The following LAMA2 variants were observed in gnomAD, a reference collection of about 807,000 sequenced individuals.
LAMA2 encodes laminin subunit alpha 2, also known as laminin subunit alpha-2.
Under a neutral mutation model 364.8 loss-of-function variants are expected in LAMA2, and 269 were observed. That is an observed-to-expected ratio of 0.74 (90% CI 0.67 to 0.82). The LOEUF is 0.82. Among genes scored for constraint, LAMA2 ranks in the 40% least tolerant of loss-of-function variants. The pLI, the probability that LAMA2 is intolerant of heterozygous loss-of-function variation, is 0.00. For missense variants in LAMA2, 3,807 were observed against 3,873.2 expected, an observed-to-expected ratio of 0.98 and a Z score of 0.45; for synonymous variants, 1,379 against 1,370.6, an observed-to-expected ratio of 1.01 and a Z score of -0.14.
intron 1 of LAMA2, among the ~76,000 whole-genome samples, chr6:129,035,597 C>T (rs1329222458): frequency 3.5e-5 from 5 of 143,184 alleles, no homozygotes; most frequent in African/African-American, 1.0e-4. Context: ...AGGCCAATGT[C>T]GAGAATAATT....
At chr6:129,052,565 T>C (rs186716059) in intron 2 of LAMA2, among the ~76,000 whole-genome samples, 18 of 152,188 alleles carry the variant, frequency 1.2e-4, no homozygotes, top group African/African-American at 4.3e-4. Flanking sequence ...TGCGTGGACT[T>C]CTCCATTACC....
intron 12 of LAMA2, among the ~76,000 whole-genome samples, chr6:129,227,507 G>A (rs1373775755): frequency 2.0e-5 from 3 of 152,096 alleles, no homozygotes; most frequent in African/African-American, 7.2e-5. Flanking sequence ...TGGGGTTTTG[G>A]TGTGGGTGTC....
intron 12 of LAMA2, among the ~76,000 whole-genome samples, chr6:129,240,888 A>C (rs1355870026): frequency 6.6e-6 from 1 of 152,200 alleles, no homozygotes; most frequent in Admixed American, 6.5e-5. Context: ...AGTGACTTAA[A>C]TATTGATTTT....
intron 19 of LAMA2, among the ~76,000 whole-genome samples, chr6:129,289,674 A>G (rs1486039411): frequency 4.6e-5 from 7 of 151,958 alleles, no homozygotes; most frequent in African/African-American, 7.2e-5. Context: ...TATTATGGTA[A>G]TTAATTATTG....
At chr6:129,322,882 T>A (rs1775053728) in intron 28 of LAMA2, among the ~76,000 whole-genome samples, 1 of 152,220 alleles carries the variant, frequency 6.6e-6, no homozygotes. Context: ...TGAGTCATTT[T>A]CCATCATTAT....
chr6:128,899,457 A>G (rs1304339777), intron 1 of LAMA2, among the ~76,000 whole-genome samples: 3 of 152,218 alleles, frequency 2.0e-5, no homozygotes, highest in Non-Finnish European at 4.4e-5. Context: ...ATGTTATATA[A>G]TGCTAGGACT....
intron 37 of LAMA2, among the ~76,000 whole-genome samples, chr6:129,395,131 G>A (rs1779532420): frequency 6.6e-6 from 1 of 151,790 alleles, no homozygotes; most frequent in African/African-American, 2.4e-5. Context: ...GGCTGCTCTG[G>A]GGTTTGGCCC....
At chr6:128,927,709 T>A (rs1283477143) in intron 1 of LAMA2, among the ~76,000 whole-genome samples, 4 of 152,186 alleles carry the variant, frequency 2.6e-5, no homozygotes, top group Non-Finnish European at 4.4e-5. Context: ...TCCCTATCTT[T>A]CTTCCCGTTA....
chr6:129,047,572 G>A (rs1325848019), intron 1 of LAMA2, among the ~76,000 whole-genome samples: 2 of 152,132 alleles, frequency 1.3e-5, no homozygotes, highest in African/African-American at 4.8e-5. Context: ...TATGTATAAG[G>A]AGGGAGAAAA....
chr6:129,515,401 A>AC (rs1786971009), intron 64 of LAMA2, among the ~76,000 whole-genome samples: 1 of 152,218 alleles, frequency 6.6e-6, no homozygotes, highest in East Asian at 1.9e-4. Flanking sequence ...GTGTTTTAAA[A>AC]AGATCTTTTG....
chr6:129,354,475 C>T (rs928480405), intron 32 of LAMA2, among the ~76,000 whole-genome samples: 5 of 151,844 alleles, frequency 3.3e-5, no homozygotes, highest in Non-Finnish European at 5.9e-5. Flanking sequence ...ACTAATTCTT[C>T]CCAAGTATAA....
At chr6:129,158,487 T>G in intron 8 of LAMA2, 1 of 1,614,036 alleles carries the variant, frequency 6.2e-7, no homozygotes, top group Non-Finnish European at 8.5e-7. Context: ...ACTTTGTGAC[T>G]GGTCAATAAG....
Position 129,401,277 on chromosome 6 carries a change from A to C in LAMA2, c.5499A>C (p.Lys1833Asn), listed in dbSNP as rs1387338831. 1 of 1,613,252 alleles carries C rather than the reference A, an allele frequency of 6.2e-7. No homozygotes were observed. Among genetic ancestry groups the C allele is most frequent in the Admixed American group, 1.7e-5 (1 of 60,026 alleles). Residue 1833 changes from lysine to asparagine, a missense_variant, in exon 38 of 65, where the codon AAA (lysine) becomes AAC (asparagine). Lys to Asn is a moderately conservative substitution (Grantham distance 94). Around this residue, in one of 3 missense-constraint regions of LAMA2, gnomAD observed 3,333 missense variants for 3,345.7 expected, o/e 1.00. Coordinates refer to ENST00000421865, the MANE Select transcript of LAMA2 (RefSeq NM_000426.4). ...AACGACAAATTGAGAACACTTTAAA[A>C]GAGGGCAATGACATACTCGATGAAG... ...SGKRQIENTL[K>N]EGNDILDEAN... is the part of the protein sequence containing the mutation.
intron 1 of LAMA2, among the ~76,000 whole-genome samples, chr6:128,909,266 A>T (rs1261705637): frequency 1.3e-5 from 2 of 151,944 alleles, no homozygotes; most frequent in East Asian, 3.9e-4. Flanking sequence ...AATGTGTGGG[A>T]GTCTAAGTCT....
chr6:129,125,841 A>G (rs997860181), intron 4 of LAMA2, among the ~76,000 whole-genome samples: 1 of 152,174 alleles, frequency 6.6e-6, no homozygotes, highest in East Asian at 1.9e-4. Flanking sequence ...TGGGTATGTT[A>G]CTAGCTTAAT....
At chr6:129,308,367 C>T (rs1050635401) in intron 22 of LAMA2, among the ~76,000 whole-genome samples, 2 of 152,126 alleles carry the variant, frequency 1.3e-5, no homozygotes, top group African/African-American at 4.8e-5. Context: ...ACAAGAGTTC[C>T]GTTTTATCCA....
chr6:129,504,045 G>A (rs1186922294), intron 60 of LAMA2, among the ~76,000 whole-genome samples: 1 of 152,074 alleles, frequency 6.6e-6, no homozygotes, highest in Non-Finnish European at 1.5e-5. Flanking sequence ...AGCTTCCCTA[G>A]GTAGACCAAT....
At position 129,353,345 on chromosome 6, in the gene LAMA2, T is replaced by A; in HGVS notation, c.4705T>A (p.Trp1569Arg). 1.2e-6 allele frequency: 2 copies of A among 1,613,692 alleles called. No homozygotes were observed. Among genetic ancestry groups the A allele is most frequent in the Non-Finnish European group, 1.7e-6 (2 of 1,179,882 alleles). ...CAAGCACTGGCATGCACGCGAGGGC[T>A]GGGAGTGTGTTTGTACGTATACTAA... Reference protein sequence around the residue: ...GCKHWHAREGWECVFCGDECT... With the variant: ...GCKHWHAREGRECVFCGDECT... The change falls in exon 32 of 65, where the codon TGG (tryptophan) becomes AGG (arginine). Residue 1569 changes from tryptophan to arginine, a missense_variant. Transcript: ENST00000421865.
Position 129,205,539 on chromosome 6 carries a change from T to A in LAMA2, c.1782+12686T>A, listed in dbSNP as rs187285905. 9.0e-4 allele frequency among the ~76,000 whole-genome samples: 128 copies of A among 142,864 alleles called. 1 individual carries two copies. Among genetic ancestry groups the A allele is most frequent in the Non-Finnish European group, 9.4e-4 (63 of 66,922 alleles). The allele number at this position is 142,864 out of a possible 152,430, so 93.7% of individuals were successfully genotyped here. A position where few individuals can be genotyped will look rare whatever the true frequency, so the allele number is the denominator to read the frequency against. On this transcript the variant is annotated intron_variant, in intron 12 of 64. Coordinates refer to ENST00000421865, the MANE Select transcript of LAMA2 (RefSeq NM_000426.4). The stretch of plus-strand genomic sequence containing the variant: ...ACACACACACACACACACACGTGTG[T>A]GAAATGACATATATGCAAAGTGATT...
Sources: gnomAD v4.1 joint callset for allele counts (sites outside exome capture counted in the v4.1 genomes callset) on GRCh38, gnomAD v4.1.1 for gene constraint, gnomAD v4.1.1 regional missense constraint, MANE v1.5 for transcripts, NCBI Gene and HGNC (gene_info 2026-07-23, HGNC 2026-07-21) for gene names.